Variants in ABTB2 observed in about 807,000 individuals in gnomAD.
ABTB2 encodes the protein ankyrin repeat and BTB domain containing 2.
In ABTB2, 56 loss-of-function variants were observed where a neutral mutation model predicts 104.1. The ratio of observed to expected loss-of-function variants is 0.54; its 90% CI spans 0.43 to 0.67. The LOEUF (loss-of-function observed/expected upper bound fraction) is 0.67. ABTB2 is among the 30% of genes least tolerant of loss of function. ABTB2 has a pLI of 0.00. For missense variants in ABTB2, 1,279 were observed against 1,407.7 expected (o/e 0.91, Z 1.46); for synonymous variants, 606 against 608.2 (o/e 1.00, Z 0.05).
At chr11:34,305,987 A>G (rs1396388811) in intron 1 of ABTB2, among the ~76,000 whole-genome samples, 1 of 152,144 alleles carries the variant, frequency 6.6e-6, no homozygotes, top group Non-Finnish European at 1.5e-5. Flanking sequence ...AGTCAGCAAA[A>G]CCTCAACTAA....
intron 1 of ABTB2, among the ~76,000 whole-genome samples, chr11:34,275,022 G>A (rs900520772): frequency 1.3e-5 from 2 of 152,138 alleles, no homozygotes; most frequent in African/African-American, 2.4e-5. Context: ...AGGTGGTAGT[G>A]ACTCACCTGG....
At chr11:34,337,418 TGA>T (rs1345847958) in intron 1 of ABTB2, among the ~76,000 whole-genome samples, 2 of 152,254 alleles carry the variant, frequency 1.3e-5, no homozygotes, top group Non-Finnish European at 2.9e-5. Context: ...GGCCGTACCT[TGA>T]GGAAAGATGG....
chr11:34,154,271 A>G lies in ABTB2; in HGVS notation c.2874T>C (p.Tyr958=). 1 of 1,613,534 alleles carries G rather than the reference A, an allele frequency of 6.2e-7. No homozygotes were observed. The highest frequency in any genetic ancestry group is 8.5e-7 in the Non-Finnish European group (1 of 1,179,608). Residue 958 remains tyrosine (Y), a synonymous_variant, in exon 16 of 17, where the codon TAT becomes TAC. Transcript: ENST00000435224. The surrounding 1 kb of genome is among the most constrained non-coding windows in gnomAD (Gnocchi z 4.9). ...AGGCATCCTTGGCCCTCACCTTGGC[A>G]TATTTGTAGGTGTTCACGGCACTCT... The part of the protein sequence containing the change: ...SMESAVNTYK[Y]AKIHNAPELA...
At chr11:34,222,725 C>G (rs1853639651) in intron 1 of ABTB2, among the ~76,000 whole-genome samples, 1 of 152,254 alleles carries the variant, frequency 6.6e-6, no homozygotes, top group Non-Finnish European at 1.5e-5. Context: ...CAGAAAGGCA[C>G]TGGAGACCTC....
At chr11:34,300,446 C>T (rs1854689412) in intron 1 of ABTB2, among the ~76,000 whole-genome samples, 1 of 152,198 alleles carries the variant, frequency 6.6e-6, no homozygotes, top group Non-Finnish European at 1.5e-5. Context: ...AGTTCCAGTG[C>T]TATAAATCAC....
At position 34,159,339 on chromosome 11, in the gene ABTB2, C is replaced by G; in HGVS notation, c.2654G>C (p.Ser885Thr). Reference sequence around the variant, plus strand: ...CATGTCGCTGATCTCGATGGTCTTGCTGCTGTCCCCATCCTGTTCTGATTT... The same window carrying G: ...CATGTCGCTGATCTCGATGGTCTTGGTGCTGTCCCCATCCTGTTCTGATTT... ...TNKSEQDGDS[S>T]KTIEISDMKY... The change falls in exon 14 of 17, where the codon AGC (serine) becomes ACC (threonine). Residue 885 changes from serine to threonine, a missense_variant. Coordinates refer to ENST00000435224, the MANE Select transcript of ABTB2 (RefSeq NM_145804.3). 6.2e-7 allele frequency: 1 copy of G among 1,614,058 alleles called. No individual in the cohort carries two copies. The highest frequency in any genetic ancestry group is 8.5e-7 in the Non-Finnish European group (1 of 1,179,952).
At chr11:34,153,038 C>CAG (rs144877289) in intron 16 of ABTB2, among the ~76,000 whole-genome samples, 1,528 of 152,274 alleles carry the variant, frequency 0.01, 35 homozygotes, top group African/African-American at 0.034. Context: ...GAGAGACAGA[C>CAG]AGAATCTGAG....
chr11:34,177,749 A>T (rs945118646), intron 3 of ABTB2, among the ~76,000 whole-genome samples: 1 of 152,018 alleles, frequency 6.6e-6, no homozygotes, highest in African/African-American at 2.4e-5. Context: ...TTATATTTTT[A>T]GCAGAGATGG....
At chr11:34,168,036 C>T (rs1211011284) in intron 5 of ABTB2, 44 bp from the exon 6 acceptor site, 13 of 1,584,044 alleles carry the variant, frequency 8.2e-6, no homozygotes, top group African/African-American at 1.3e-5. Flanking sequence ...GCAAACAGAA[C>T]ACAACACCAT....
At chr11:34,304,763 T>C (rs1221832950) in intron 1 of ABTB2, among the ~76,000 whole-genome samples, 2 of 152,186 alleles carry the variant, frequency 1.3e-5, no homozygotes, top group Admixed American at 6.5e-5. Context: ...GACATATAGG[T>C]AAGAGTGGTG....
Position 34,167,253 on chromosome 11 carries a change from G to C in ABTB2, c.1755+6C>G, listed in dbSNP as rs1291898191. The C allele has an allele frequency of 1.2e-6, 2 of 1,604,660 alleles. No individual in the cohort carries two copies. The highest frequency in any genetic ancestry group is 1.3e-5 in the African/African-American group (1 of 74,924). On this transcript the variant is annotated splice_donor_region_variant and intron_variant, in intron 7 of 16. Coordinates refer to ENST00000435224, the MANE Select transcript of ABTB2 (RefSeq NM_145804.3). Reference sequence around the variant, plus strand: ...GGGGCATGGTGTTCACCTGGCAGGAGCTCACCTGGACCACAGAGATGTGTC... The same window carrying C: ...GGGGCATGGTGTTCACCTGGCAGGACCTCACCTGGACCACAGAGATGTGTC...
intron 1 of ABTB2, among the ~76,000 whole-genome samples, chr11:34,343,472 T>C (rs1380564576): frequency 2.0e-5 from 3 of 146,912 alleles, no homozygotes; most frequent in Non-Finnish European, 3.0e-5. Context: ...CACACACACA[T>C]ACACACACTT....
At chr11:34,339,423 T>C (rs1421824966) in intron 1 of ABTB2, among the ~76,000 whole-genome samples, 1 of 152,150 alleles carries the variant, frequency 6.6e-6, no homozygotes, top group African/African-American at 2.4e-5. Context: ...ACAGCACAGA[T>C]AACAAACAAA....
chr11:34,179,562 C>A (rs1238680286), intron 3 of ABTB2, among the ~76,000 whole-genome samples: 1 of 152,230 alleles, frequency 6.6e-6, no homozygotes, highest in Non-Finnish European at 1.5e-5. Context: ...TCCGAAGGTC[C>A]TAGACCCCTT....
chr11:34,328,204 A>G (rs1446396603), intron 1 of ABTB2, among the ~76,000 whole-genome samples: 4 of 152,210 alleles, frequency 2.6e-5, no homozygotes, highest in Non-Finnish European at 5.9e-5. Flanking sequence ...CTGGAAAGAC[A>G]CTGGCTTCAG....
In ABTB2 at chr11:34,340,857, T is replaced by C. The variant is rs995499196; in HGVS notation, c.883+15844A>G. Among the ~76,000 whole-genome samples the C allele has an allele frequency of 2.0e-5, 3 of 152,250 alleles. No individual in the cohort carries two copies. The South Asian group carries it at 6.2e-4, about 32-fold the overall frequency. Reference sequence around the variant, plus strand: ...CTGAATGAAAGCTCAGAAGACCTCCTAGTTCAAACAAACAAACATCCTCTG... The same window carrying C: ...CTGAATGAAAGCTCAGAAGACCTCCCAGTTCAAACAAACAAACATCCTCTG... On this transcript the variant is annotated intron_variant, in intron 1 of 16. Coordinates refer to ENST00000435224, the MANE Select transcript of ABTB2 (RefSeq NM_145804.3).
At chr11:34,215,950 A>G (rs1440259234) in intron 1 of ABTB2, among the ~76,000 whole-genome samples, 2 of 146,168 alleles carry the variant, frequency 1.4e-5, no homozygotes, top group African/African-American at 4.9e-5. Flanking sequence ...ACAGTGATTT[A>G]AAAAAAAATT....
At chr11:34,291,612 C>T (rs764699895) in intron 1 of ABTB2, among the ~76,000 whole-genome samples, 1 of 152,192 alleles carries the variant, frequency 6.6e-6, no homozygotes, top group Non-Finnish European at 1.5e-5. Flanking sequence ...TCTCCTGCCT[C>T]AGCCTCCCGA....
At chr11:34,224,903 A>G (rs895246975) in intron 1 of ABTB2, among the ~76,000 whole-genome samples, 7 of 152,108 alleles carry the variant, frequency 4.6e-5, no homozygotes, top group Non-Finnish European at 7.3e-5. Flanking sequence ...GGCAAAAACT[A>G]TATTTTTCTT....
Sources: allele counts gnomAD v4.1 joint callset (sites outside exome capture counted in the v4.1 genomes callset), GRCh38; gene constraint gnomAD v4.1.1; non-coding constraint Gnocchi (gnomAD v3.1); transcripts MANE v1.5; gene names NCBI Gene and HGNC (gene_info 2026-07-23, HGNC 2026-07-21).